The following NKAIN2 variants were observed in gnomAD, a reference collection of about 807,000 sequenced individuals.
NKAIN2 encodes the protein sodium/potassium-transporting ATPase subunit beta-1-interacting protein 2.
In NKAIN2, 14 loss-of-function variants were observed where a neutral mutation model predicts 32.6. The observed-to-expected ratio is 0.43, with a 90% CI of 0.28 to 0.67. The LOEUF (loss-of-function observed/expected upper bound fraction) is 0.67. Among genes scored for constraint, NKAIN2 ranks in the 30% least tolerant of loss-of-function variants. The pLI is 0.17. For missense variants in NKAIN2, 198 were observed against 258.3 expected (o/e 0.77, Z 1.60); for synonymous variants, 80 against 87.2 (o/e 0.92, Z 0.46).
chr6:124,416,158 A>G (rs1213760448), intron 3 of NKAIN2, among the ~76,000 whole-genome samples: 2 of 152,172 alleles, frequency 1.3e-5, no homozygotes, highest in African/African-American at 4.8e-5. Context: ...AGAAGAGGTG[A>G]CCACCTGTAT....
At chr6:123,902,933 T>C (rs1462318858) in intron 1 of NKAIN2, among the ~76,000 whole-genome samples, 1 of 152,338 alleles carries the variant, frequency 6.6e-6, no homozygotes. Flanking sequence ...AGAGCCTTAA[T>C]CTATTACTAA....
At position 124,554,726 on chromosome 6, in the gene NKAIN2, T is replaced by C. The variant is rs140947662; in HGVS notation, c.274-103460T>C. ...AAAAGCTTTGGATTTGGTACAACTT[T>C]TGTCATTTCAAAATTTAAATCAGGA... On this transcript the variant is annotated intron_variant, in intron 3 of 6. Transcript: ENST00000368417. Among the ~76,000 whole-genome samples the C allele has an allele frequency of 2.1e-3, 324 of 152,336 alleles. 2 individuals carry two copies. Among genetic ancestry groups the C allele is most frequent in the African/African-American group, 7.3e-3 (303 of 41,584 alleles).
At chr6:123,816,528 C>T (rs554463238) in intron 1 of NKAIN2, among the ~76,000 whole-genome samples, 2 of 152,194 alleles carry the variant, frequency 1.3e-5, no homozygotes, top group South Asian at 4.2e-4. Context: ...ATTATTTCTC[C>T]GTCAGCACCC....
intron 1 of NKAIN2, among the ~76,000 whole-genome samples, chr6:123,823,819 A>G (rs1774025564): frequency 6.6e-6 from 1 of 152,182 alleles, no homozygotes; most frequent in Admixed American, 6.5e-5. Context: ...AAATTCAAGG[A>G]AGAGGAGGAA....
intron 1 of NKAIN2, among the ~76,000 whole-genome samples, chr6:124,272,882 C>T (rs1223035248): frequency 6.6e-6 from 1 of 152,232 alleles, no homozygotes; most frequent in Non-Finnish European, 1.5e-5. Context: ...TACAGCCCTA[C>T]TGGGTTTTGA....
chr6:124,153,098 A>C (rs1787812569), intron 1 of NKAIN2, among the ~76,000 whole-genome samples: 1 of 151,882 alleles, frequency 6.6e-6, no homozygotes, highest in South Asian at 2.1e-4. Context: ...ATAGTAGGAA[A>C]ATGACAGTTA....
chr6:124,326,463 A>G (rs895936867), intron 2 of NKAIN2, among the ~76,000 whole-genome samples: 2 of 152,008 alleles, frequency 1.3e-5, no homozygotes, highest in Non-Finnish European at 1.5e-5. Flanking sequence ...CTGTGTAGCC[A>G]TGTCTCTGCC....
At position 124,156,749 on chromosome 6, in the gene NKAIN2, TATAAGAAAGCAGAAATCAAAGCAGGA is replaced by T. The variant is rs567197731; in HGVS notation, c.55-126253_55-126228del. 2.0e-5 allele frequency among the ~76,000 whole-genome samples: 3 copies of T among 152,142 alleles called. No individual in the cohort carries two copies. The South Asian group carries it at 6.2e-4, about 32-fold the overall frequency. On this transcript the variant is annotated intron_variant, in intron 1 of 6. Coordinates refer to ENST00000368417, the MANE Select transcript of NKAIN2 (RefSeq NM_001040214.3). ...CCCAACTGCCTTGTGGAGAATGGAC[TATAAGAAAGCAGAAATCAAAGCAGGA>T]ATTTAGGTAATTACAGGAGTACACA...
At chr6:124,363,423 A>AT (rs1554288707) in intron 3 of NKAIN2, among the ~76,000 whole-genome samples, 1 of 152,188 alleles carries the variant, frequency 6.6e-6, no homozygotes, top group Non-Finnish European at 1.5e-5. Context: ...GTTGAATGCT[A>AT]TTTTTTGACA....
intron 1 of NKAIN2, among the ~76,000 whole-genome samples, chr6:124,079,241 C>A (rs189490055): frequency 2.0e-5 from 3 of 152,198 alleles, no homozygotes; most frequent in African/African-American, 7.2e-5. Context: ...TTGCTTGAAC[C>A]TGGGAGGCAG....
chr6:124,244,877 A>T lies in NKAIN2; in HGVS notation c.55-38128A>T, dbSNP rs1371885680. On this transcript the variant is annotated intron_variant, in intron 1 of 6. Coordinates refer to ENST00000368417, the MANE Select transcript of NKAIN2 (RefSeq NM_001040214.3). Reference sequence around the variant, plus strand: ...TAAAATATATTTTCACTAGTGGAAGATAATTTCCATTAGTTTCTGAGCTTA... The same window carrying T: ...TAAAATATATTTTCACTAGTGGAAGTTAATTTCCATTAGTTTCTGAGCTTA... 3.3e-5 allele frequency among the ~76,000 whole-genome samples: 5 copies of T among 152,260 alleles called. No homozygotes were observed. The South Asian group carries it at 1.0e-3, about 32-fold the overall frequency.
intron 1 of NKAIN2, among the ~76,000 whole-genome samples, chr6:124,145,596 C>T (rs200113263): frequency 4.6e-5 from 7 of 152,034 alleles, no homozygotes. Context: ...AGCTCCACCT[C>T]CCGGGTTCAC....
chr6:124,445,355 T>C (rs1031481044), intron 3 of NKAIN2, among the ~76,000 whole-genome samples: 3 of 152,156 alleles, frequency 2.0e-5, no homozygotes, highest in African/African-American at 7.2e-5. Context: ...TACTTTTTAT[T>C]ATTATATCAC....
intron 1 of NKAIN2, among the ~76,000 whole-genome samples, chr6:123,878,845 C>T (rs550397173): frequency 1.3e-4 from 20 of 152,232 alleles, no homozygotes; most frequent in African/African-American, 4.8e-4. Context: ...CTCCTCCCTG[C>T]ACCACTCATA....
chr6:124,779,902 A>G (rs1204382834), intron 4 of NKAIN2, among the ~76,000 whole-genome samples: 1 of 152,208 alleles, frequency 6.6e-6, no homozygotes, highest in Non-Finnish European at 1.5e-5. Context: ...GCAAAAATGA[A>G]TGGTTGTTAC....
At chr6:124,035,477 A>T (rs1462435063) in intron 1 of NKAIN2, among the ~76,000 whole-genome samples, 1 of 152,134 alleles carries the variant, frequency 6.6e-6, no homozygotes, top group Non-Finnish European at 1.5e-5. Context: ...CCCCGAAATC[A>T]TTCCCAGCTA....
chr6:124,465,212 G>A (rs1320145843), intron 3 of NKAIN2, among the ~76,000 whole-genome samples: 2 of 152,142 alleles, frequency 1.3e-5, no homozygotes, highest in South Asian at 2.1e-4. Flanking sequence ...GTTCTCAATA[G>A]CAAAGACTTG....
chr6:124,359,637 T>C (rs1799172366), intron 3 of NKAIN2, among the ~76,000 whole-genome samples: 1 of 152,212 alleles, frequency 6.6e-6, no homozygotes, highest in South Asian at 2.1e-4. Flanking sequence ...CCTGAGACTT[T>C]GCTGAAGTTG....
chr6:123,846,270 T>G (rs1562215618), intron 1 of NKAIN2, among the ~76,000 whole-genome samples: 6 of 152,180 alleles, frequency 3.9e-5, no homozygotes. Context: ...TTTTCTTACT[T>G]ATTTAGTTAA....
Sources: allele counts gnomAD v4.1 joint callset (sites outside exome capture counted in the v4.1 genomes callset), GRCh38; gene constraint gnomAD v4.1.1; transcripts MANE v1.5; gene names NCBI Gene and HGNC (gene_info 2026-07-23, HGNC 2026-07-21).